Variants in FBXO31 observed in about 807,000 individuals in gnomAD.
The protein encoded by FBXO31 is F-box protein 31.
Under a neutral mutation model 54.4 loss-of-function variants are expected in FBXO31, and 24 were observed. The ratio of observed to expected loss-of-function variants is 0.44; its 90% CI spans 0.32 to 0.62. The LOEUF is 0.62. Among genes scored for constraint, FBXO31 ranks in the 20% least tolerant of loss-of-function variants. FBXO31 has a pLI of 0.05. For missense variants in FBXO31, 665 were observed against 787.1 expected (o/e 0.84, Z 1.86); for synonymous variants, 388 against 335.6 (o/e 1.16, Z -1.71).
intron 1 of FBXO31, among the ~76,000 whole-genome samples, chr16:87,370,340 G>A (rs1906545696): frequency 6.6e-6 from 1 of 152,224 alleles, no homozygotes; most frequent in Admixed American, 6.5e-5. Context: ...CACGGCACTG[G>A]CACTAGGGGG....
At chr16:87,381,251 C>T (rs1409248048) in intron 1 of FBXO31, among the ~76,000 whole-genome samples, 1 of 152,052 alleles carries the variant, frequency 6.6e-6, no homozygotes, top group African/African-American at 2.4e-5. Context: ...AAAATAGACA[C>T]TCTAAGAGAA....
intron 2 of FBXO31, among the ~76,000 whole-genome samples, chr16:87,348,981 A>G (rs1052234147): frequency 1.3e-5 from 2 of 152,236 alleles, no homozygotes; most frequent in South Asian, 2.1e-4. Flanking sequence ...CAGGAGGCAC[A>G]TAAGTCCACT....
In FBXO31 at chr16:87,335,075, C is replaced by T. The variant is rs965027942; in HGVS notation, c.996+229G>A. 1.3e-5 allele frequency among the ~76,000 whole-genome samples: 2 copies of T among 152,240 alleles called. No individual in the cohort carries two copies. The highest frequency in any genetic ancestry group is 2.9e-5 in the Non-Finnish European group (2 of 68,042). ...CTGAGCGGTGCTGTGGGAAGGCCAC[C>T]TTGGAAGCACACAGACTCCCTGAGG... On this transcript the variant is annotated intron_variant, in intron 7 of 8. Coordinates refer to ENST00000311635, the MANE Select transcript of FBXO31 (RefSeq NM_024735.5). The surrounding 1 kb of genome is among the most constrained non-coding windows in gnomAD (Gnocchi z 5.7).
Position 87,331,241 on chromosome 16 carries a change from T to TCAGAGCCC in FBXO31, c.*39_*46dup. The TCAGAGCCC allele has an allele frequency of 6.3e-7, 1 of 1,585,672 alleles. No homozygotes were observed. The highest frequency in any genetic ancestry group is 1.1e-5 in the South Asian group (1 of 89,800). On this transcript the variant is annotated 3_prime_UTR_variant, in exon 9 of 9. Transcript: ENST00000311635. ...GCTGCTTCTATTCACAGGTCAGAGT[T>TCAGAGCCC]CAGAGCCCCAGAGCCACCCGGGATG...
At chr16:87,363,925 T>C (rs1402698316) in intron 1 of FBXO31, among the ~76,000 whole-genome samples, 3 of 152,188 alleles carry the variant, frequency 2.0e-5, no homozygotes, top group African/African-American at 4.8e-5. Flanking sequence ...CCTACGATTC[T>C]AGTTGGAGAT....
At chr16:87,361,059 T>C (rs919290298) in intron 1 of FBXO31, among the ~76,000 whole-genome samples, 4 of 152,210 alleles carry the variant, frequency 2.6e-5, no homozygotes, top group African/African-American at 9.7e-5. Flanking sequence ...GTCCTCCGGC[T>C]TGGGTCTCCG....
At chr16:87,373,184 G>A (rs961364538) in intron 1 of FBXO31, among the ~76,000 whole-genome samples, 2 of 149,812 alleles carry the variant, frequency 1.3e-5, no homozygotes, top group Non-Finnish European at 3.0e-5. Flanking sequence ...GGGCACAGTG[G>A]CTCACGCCTG....
rs560858524 is a variant in FBXO31, at chr16:87,335,195, T to G, written c.996+109A>C. 7 of 1,516,300 alleles carry G rather than the reference T, an allele frequency of 4.6e-6. No individual in the cohort carries two copies. In the East Asian group the frequency reaches 1.4e-4, roughly 29 times the overall value. 93.9% of individuals were successfully genotyped at this position (1,516,300 alleles called of 1,614,324 possible). ...CGGGGCTGCAGGTGCAAGCCCACTC[T>G]GAGGAGCAAGGGTGCCGGGGATCAG... On this transcript the variant is annotated intron_variant, in intron 7 of 8. Transcript: ENST00000311635. The surrounding 1 kb of genome is among the most constrained non-coding windows in gnomAD (Gnocchi z 5.7).
rs781136689 is a variant in FBXO31, at chr16:87,334,231, C to T, written c.1052G>A (p.Arg351Gln). The part of the protein sequence containing the change: ...QQTVEIDLRH[R>Q]IQLPDLENQR... Reference sequence around the variant, plus strand: ...GTTCTCGAGGTCGGGCAGCTGGATCCGATGCCTCAGGTCGATCTCCACTGT... The same window carrying T: ...GTTCTCGAGGTCGGGCAGCTGGATCTGATGCCTCAGGTCGATCTCCACTGT... The change falls in exon 8 of 9, where the codon CGG becomes CAG. Residue 351 changes from arginine to glutamine, a missense_variant. Arg to Gln is a conservative substitution (Grantham distance 43). Around this residue, in one of 4 missense-constraint regions of FBXO31, gnomAD observed 234 missense variants for 346.8 expected, o/e 0.67. Transcript: ENST00000311635. 16 of 1,610,402 alleles carry T rather than the reference C, an allele frequency of 9.9e-6. No individual in the cohort carries two copies. The highest frequency in any genetic ancestry group is 2.2e-5 in the East Asian group (1 of 44,844).
chr16:87,369,084 C>T (rs565948947), intron 1 of FBXO31, among the ~76,000 whole-genome samples: 27 of 152,202 alleles, frequency 1.8e-4, no homozygotes, highest in African/African-American at 5.1e-4. Flanking sequence ...CCACTGCACC[C>T]GGCCTTTATT....
chr16:87,333,683 C>T (rs184645249), intron 8 of FBXO31, among the ~76,000 whole-genome samples: 30 of 152,304 alleles, frequency 2.0e-4, no homozygotes, highest in Non-Finnish European at 3.7e-4. Context: ...GCCTCCAAGA[C>T]GGGACCCAGC....
chr16:87,339,808 C>T (rs556900126), intron 5 of FBXO31, among the ~76,000 whole-genome samples: 79 of 152,308 alleles, frequency 5.2e-4, no homozygotes, highest in African/African-American at 1.8e-3. Flanking sequence ...GAGCCGGGAA[C>T]ATTCCAAAAT....
At chr16:87,359,051 G>A (rs1906020553) in intron 2 of FBXO31, among the ~76,000 whole-genome samples, 1 of 152,150 alleles carries the variant, frequency 6.6e-6, no homozygotes, top group African/African-American at 2.4e-5. Flanking sequence ...ATTTTCTCCT[G>A]GATAAGCCTT....
intron 4 of FBXO31, among the ~76,000 whole-genome samples, chr16:87,343,267 A>G (rs530751013): frequency 1.3e-4 from 20 of 152,392 alleles, no homozygotes; most frequent in African/African-American, 2.6e-4. Flanking sequence ...CGTGGGGGCC[A>G]CTGCCAGACC....
chr16:87,331,510 A>C lies in FBXO31; in HGVS notation c.1398T>G (p.Cys466Trp). The C allele has an allele frequency of 6.3e-7, 1 of 1,595,574 alleles. No homozygotes were observed. Among genetic ancestry groups the C allele is most frequent in the Non-Finnish European group, 8.6e-7 (1 of 1,167,038 alleles). Residue 466 changes from cysteine (C) to tryptophan (W), a missense_variant and splice_region_variant, in exon 9 of 9, where the codon TGT becomes TGG. Cys to Trp is a radical substitution (Grantham distance 215, BLOSUM62 -2). Around this residue, in one of 4 missense-constraint regions of FBXO31, gnomAD observed 165 missense variants for 159.7 expected, o/e 1.03. Coordinates refer to ENST00000311635, the MANE Select transcript of FBXO31 (RefSeq NM_024735.5). ...CCGCGATGAGGCCTGTGCCATAAAA[A>C]CTGAGCAGAAACAAGAGGGAAACTG... ...NEDYPRTCRM[C>W]FYGTGLIAGH...
In FBXO31 at chr16:87,358,636, A is replaced by T. The variant is rs1906001919; in HGVS notation, c.412+1659T>A. On this transcript the variant is annotated intron_variant, in intron 2 of 8. Coordinates refer to ENST00000311635, the MANE Select transcript of FBXO31 (RefSeq NM_024735.5). The surrounding 1 kb of genome is among the most constrained non-coding windows in gnomAD (Gnocchi z 4.0). ...GTTTATGCAGCCACCCAGGACACAG[A>T]GAGGTGGCTCTGAGAAACCTGCTGG... 6.6e-6 allele frequency: 1 copy of T among 152,466 alleles called. No individual in the cohort carries two copies. The highest frequency in any genetic ancestry group is 2.4e-5 in the African/African-American group (1 of 41,464). The allele number at this position is 152,466 out of a possible 1,614,324, so 9.4% of individuals were successfully genotyped here. A position where few individuals can be genotyped will look rare whatever the true frequency, so the allele number is the denominator to read the frequency against.
At chr16:87,363,731 C>A (rs961741800) in intron 1 of FBXO31, among the ~76,000 whole-genome samples, 1 of 152,154 alleles carries the variant, frequency 6.6e-6, no homozygotes, top group Non-Finnish European at 1.5e-5. Flanking sequence ...CTGTGAGAGT[C>A]TCCTGAGAGG....
rs1394502507 is a variant in FBXO31 at position 87,343,685 on chromosome 16, A to T, written c.570T>A (p.Pro190=). ...PHVDDPMRFK[P]LFRIHLMERK... ...TCTCCATCAGGTGGATCCTGAACAG[A>T]GGCTTGAATCTCATAGGGTCATCGA... The change falls in exon 4 of 9, where the codon CCT becomes CCA. Residue 190 remains proline, a synonymous_variant. Transcript: ENST00000311635. 1.2e-6 allele frequency: 2 copies of T among 1,614,118 alleles called. No individual in the cohort carries two copies. The highest frequency in any genetic ancestry group is 2.2e-5 in the South Asian group (2 of 91,084).
At position 87,358,436 on chromosome 16, in the gene FBXO31, C is replaced by A. The variant is rs886071939; in HGVS notation, c.412+1859G>T. 1.3e-4 allele frequency: 20 copies of A among 152,690 alleles called. No individual in the cohort carries two copies. The highest frequency in any genetic ancestry group is 4.8e-4 in the African/African-American group (20 of 41,464). The allele number at this position is 152,690 out of a possible 1,614,324, so 9.5% of individuals were successfully genotyped here. On this transcript the variant is annotated intron_variant, in intron 2 of 8. Transcript: ENST00000311635. The surrounding 1 kb of genome is among the most constrained non-coding windows in gnomAD (Gnocchi z 4.0). ...GGCAGGTGTAAACGTCTCTGTACGC[C>A]ATGTGCTCATAATCAGGGAGAATTT...
Sources: allele counts gnomAD v4.1 joint callset (sites outside exome capture counted in the v4.1 genomes callset), GRCh38; gene constraint gnomAD v4.1.1; regional missense constraint gnomAD v4.1.1; non-coding constraint Gnocchi (gnomAD v3.1); transcripts MANE v1.5; gene names NCBI Gene and HGNC (gene_info 2026-07-23, HGNC 2026-07-21).